MMP17: variants seen among roughly 807,000 people sequenced by gnomAD.
The protein encoded by MMP17 is matrix metallopeptidase 17.
A neutral mutation model predicts 49.1 loss-of-function variants in MMP17; 54 were observed. The ratio of observed to expected loss-of-function variants is 1.10; its 90% confidence interval spans 0.88 to 1.38. The LOEUF (loss-of-function observed/expected upper bound fraction) is 1.38, where lower values mean the gene tolerates loss of function less well. Ranked by LOEUF, MMP17 falls within the 40% of genes most tolerant of loss-of-function variation. MMP17 has a pLI of 0.00. For synonymous variants in MMP17, 397 were observed against 383.1 expected (o/e 1.04, Z -0.42); for missense variants, 837 against 853.7 (o/e 0.98, Z 0.24).
intron 6 of MMP17, 150 bp downstream of exon 6, chr12:131,844,231 T>C (rs1254757610): frequency 2.5e-5 from 17 of 685,162 alleles, no homozygotes; most frequent in Non-Finnish European, 4.2e-5. Context: ...TTGTCTTTTC[T>C]TAAACCCCAT....
At position 131,846,306 on chromosome 12, in the gene MMP17, A is replaced by G. The variant is rs148448020; in HGVS notation, c.1204+857A>G. ...TCTCCACCCGGCCGTCTCCTCCCCCATCTCCGCATCTTCTCTTATAAGGAA... is the reference window on the plus strand; with the variant it reads ...TCTCCACCCGGCCGTCTCCTCCCCCGTCTCCGCATCTTCTCTTATAAGGAA... On this transcript the variant is annotated intron_variant, in intron 8 of 9. Coordinates refer to ENST00000360564, the MANE Select transcript of MMP17 (RefSeq NM_016155.7). The surrounding 1 kb of genome is among the most constrained non-coding windows in gnomAD (Gnocchi z 4.6). Among the ~76,000 whole-genome samples, 23 of 151,764 alleles carry G rather than the reference A, an allele frequency of 1.5e-4. No individual in the cohort carries two copies. Among genetic ancestry groups the G allele is most frequent in the African/African-American group, 5.1e-4 (21 of 41,356 alleles).
In MMP17 at chr12:131,846,250, C is replaced by T. The variant is rs1011811884; in HGVS notation, c.1204+801C>T. Among the ~76,000 whole-genome samples the T allele has an allele frequency of 6.6e-5, 10 of 152,210 alleles. No individual in the cohort carries two copies. Among genetic ancestry groups the T allele is most frequent in the African/African-American group, 2.2e-4 (9 of 41,452 alleles). On this transcript the variant is annotated intron_variant, in intron 8 of 9. Transcript: ENST00000360564. This position sits in a 1 kb window ranked among gnomAD's most constrained non-coding sequence, Gnocchi z 4.6. ...GGCCTCTCCCACATCCAGTGTCACC[C>T]TCAGCCACATCCCTCCTGCCACCGC...
intron 1 of MMP17, among the ~76,000 whole-genome samples, chr12:131,831,479 G>T: frequency 6.6e-6 from 1 of 152,014 alleles, no homozygotes; most frequent in Non-Finnish European, 1.5e-5. Context: ...TCAGGACCTT[G>T]TCATCGCCCT....
chr12:131,830,535 G>A (rs913249233), intron 1 of MMP17, among the ~76,000 whole-genome samples: 1 of 152,238 alleles, frequency 6.6e-6, no homozygotes. Flanking sequence ...GGGGAACCGC[G>A]GGCCGAGCTC....
chr12:131,850,117 G>A (rs752130571), intron 9 of MMP17, 58 bp downstream of exon 9: 218 of 1,530,546 alleles, frequency 1.4e-4, no homozygotes, highest in Non-Finnish European at 1.7e-4. Context: ...CAGGAGAGGG[G>A]CATCACTACA....
chr12:131,849,690 C>T, intron 8 of MMP17, 112 bp from the exon 9 acceptor site: 7 of 1,267,438 alleles, frequency 5.5e-6, no homozygotes, highest in Non-Finnish European at 5.5e-6. Flanking sequence ...CCATCAAGCC[C>T]AGGTGAGGGG....
intron 5 of MMP17, among the ~76,000 whole-genome samples, chr12:131,842,932 C>T (rs1887494756): frequency 6.6e-6 from 1 of 152,170 alleles, no homozygotes; most frequent in Non-Finnish European, 1.5e-5. Flanking sequence ...CCCCCCAGCC[C>T]CTGGCAACCC....
chr12:131,834,536 G>A (rs1886981275), intron 1 of MMP17, among the ~76,000 whole-genome samples: 1 of 152,056 alleles, frequency 6.6e-6, no homozygotes, highest in Non-Finnish European at 1.5e-5. Flanking sequence ...CAGGGAGGGG[G>A]ACACCTGGAG....
chr12:131,835,503 GA>G (rs1484083581), intron 1 of MMP17, among the ~76,000 whole-genome samples: 3 of 152,270 alleles, frequency 2.0e-5, no homozygotes, highest in Non-Finnish European at 4.4e-5. Flanking sequence ...CTGGGGACCA[GA>G]GTGGGGGGTG....
Position 131,828,664 on chromosome 12 carries a change from G to A in MMP17, c.159+11G>A, listed in dbSNP as rs2136301396. ...CTCAGCCTGGGAGTGGTGAGCGCGC[G>A]GGCGGGACGGGCGCGGAGCTCCTGG... On this transcript the variant is annotated intron_variant, in intron 1 of 9. Transcript: ENST00000360564. 1 of 386,512 alleles carries A rather than the reference G, an allele frequency of 2.6e-6. No individual in the cohort carries two copies. Among genetic ancestry groups the A allele is most frequent in the Non-Finnish European group, 3.8e-6 (1 of 264,044 alleles). 23.9% of individuals were successfully genotyped at this position (386,512 alleles called of 1,614,324 possible). A position where few individuals can be genotyped will look rare whatever the true frequency, so the allele number is the denominator to read the frequency against.
Position 131,840,638 on chromosome 12 carries a change from C to T in MMP17, c.488C>T (p.Ala163Val). Residue 163 changes from alanine to valine, a missense_variant, in exon 4 of 10, where the codon GCC (alanine) becomes GTC (valine). Coordinates refer to ENST00000360564, the MANE Select transcript of MMP17 (RefSeq NM_016155.7). ...HDTVRALMYYALKVWSDIAPL... is the reference protein window; with the variant it reads ...HDTVRALMYYVLKVWSDIAPL... ...ACGGTGCGTGCACTCATGTACTACG[C>T]CCTCAAGGTCTGGAGCGACATTGCG... The T allele has an allele frequency of 6.2e-7, 1 of 1,609,354 alleles. No individual in the cohort carries two copies. Among genetic ancestry groups the T allele is most frequent in the Non-Finnish European group, 8.5e-7 (1 of 1,179,944 alleles).
chr12:131,848,570 G>A (rs374105943), intron 8 of MMP17, among the ~76,000 whole-genome samples: 29 of 149,296 alleles, frequency 1.9e-4, no homozygotes, highest in East Asian at 1.6e-3. Flanking sequence ...CGGATGCCCC[G>A]CCCCGCCCCT....
intron 5 of MMP17, among the ~76,000 whole-genome samples, chr12:131,842,418 C>T (rs776330719): frequency 5.9e-5 from 9 of 152,178 alleles, no homozygotes; most frequent in Admixed American, 2.0e-4. Flanking sequence ...TCGTCCTTGC[C>T]GCTTCACATG....
chr12:131,832,624 C>T (rs1017621593), intron 1 of MMP17, among the ~76,000 whole-genome samples: 1 of 149,850 alleles, frequency 6.7e-6, no homozygotes, highest in African/African-American at 2.5e-5. Flanking sequence ...CTCTGGGATT[C>T]GGGCCCTCCT....
At chr12:131,842,960 T>C (rs1887496149) in intron 5 of MMP17, among the ~76,000 whole-genome samples, 1 of 151,964 alleles carries the variant, frequency 6.6e-6, no homozygotes, top group African/African-American at 2.4e-5. Flanking sequence ...CCTTTCTTCA[T>C]AGATGGGCCT....
At position 131,851,211 on chromosome 12, in the gene MMP17, G is replaced by C. The variant is rs1486713680; in HGVS notation, c.1749G>C (p.Leu583=). The change falls in exon 10 of 10, where the codon CTG becomes CTC. Residue 583 remains leucine, a synonymous_variant. Transcript: ENST00000360564. ...GCCCACTGGTGGCTGCCACCATGCTGCTGCTGCTGCCGCCACTGTCACCAG... is the reference window on the plus strand; with the variant it reads ...GCCCACTGGTGGCTGCCACCATGCTCCTGCTGCTGCCGCCACTGTCACCAG... ...APGPLVAATM[L]LLLPPLSPGA... is the part of the protein sequence containing the mutation. 2.8e-6 allele frequency: 4 copies of C among 1,454,130 alleles called. No individual in the cohort carries two copies. Among genetic ancestry groups the C allele is most frequent in the Admixed American group, 5.5e-5 (2 of 36,488 alleles). The allele number at this position is 1,454,130 out of a possible 1,614,324, so 90.1% of individuals were successfully genotyped here.
At chr12:131,832,612 G>A (rs984359595) in intron 1 of MMP17, among the ~76,000 whole-genome samples, 2 of 149,924 alleles carry the variant, frequency 1.3e-5, no homozygotes, top group African/African-American at 5.1e-5. Context: ...CTGGGCACCC[G>A]CCTCTGGGAT....
intron 1 of MMP17, among the ~76,000 whole-genome samples, chr12:131,829,400 G>T (rs964918632): frequency 6.6e-6 from 1 of 152,208 alleles, no homozygotes; most frequent in African/African-American, 2.4e-5. Context: ...TTCCGCAGCC[G>T]GGACTCGCGT....
rs1055767562 is a variant in MMP17, at chr12:131,845,051, C to T, written c.969-67C>T. The T allele has an allele frequency of 5.6e-6, 8 of 1,421,200 alleles. No individual in the cohort carries two copies. The Admixed American group carries it at 7.0e-5, about 12-fold the overall frequency. 88.0% of individuals were successfully genotyped at this position (1,421,200 alleles called of 1,614,324 possible). A position where few individuals can be genotyped will look rare whatever the true frequency, so the allele number is the denominator to read the frequency against. On this transcript the variant is annotated intron_variant, in intron 6 of 9. Coordinates refer to ENST00000360564, the MANE Select transcript of MMP17 (RefSeq NM_016155.7). ...CATGCCGCTCAGGTCAGGGGCTCTG[C>T]CGCAGGATGCCCTGTCCCGCGCTGC...
Sources: allele counts gnomAD v4.1 joint callset (sites outside exome capture counted in the v4.1 genomes callset), GRCh38; gene constraint gnomAD v4.1.1; non-coding constraint Gnocchi (gnomAD v3.1); transcripts MANE v1.5; gene names NCBI Gene and HGNC (gene_info 2026-07-23, HGNC 2026-07-21).